The following CAMK2D variants were observed in gnomAD, a reference collection of about 807,000 sequenced individuals.
CAMK2D encodes the protein calcium/calmodulin dependent protein kinase II delta.
Under a neutral mutation model 84.0 loss-of-function variants are expected in CAMK2D, and 37 were observed. That is an observed-to-expected ratio of 0.44 (90% CI 0.34 to 0.58). The LOEUF (loss-of-function observed/expected upper bound fraction) is 0.58. Among genes scored for constraint, CAMK2D ranks in the 20% least tolerant of loss-of-function variants. The pLI is 0.02. For synonymous variants in CAMK2D, 202 were observed against 212.5 expected (o/e 0.95, Z 0.43); for missense variants, 448 against 652.5 (o/e 0.69, Z 3.41).
chr4:113,505,078 C>G (rs1341926677), intron 13 of CAMK2D, 43 bp from the exon 14 acceptor site: 1 of 1,237,948 alleles, frequency 8.1e-7, no homozygotes, highest in Non-Finnish European at 1.1e-6. Context: ...CCTTAAACCC[C>G]TTGGTAGCCA....
At chr4:113,585,897 C>T (rs1591570501) in intron 4 of CAMK2D, among the ~76,000 whole-genome samples, 1 of 152,278 alleles carries the variant, frequency 6.6e-6, no homozygotes, top group South Asian at 2.1e-4. Flanking sequence ...CTTTAATTGG[C>T]ATGTATATGC....
intron 8 of CAMK2D, among the ~76,000 whole-genome samples, chr4:113,518,784 A>G (rs1165562464): frequency 6.6e-6 from 1 of 152,190 alleles, no homozygotes; most frequent in Non-Finnish European, 1.5e-5. Context: ...GCTCCTGTCC[A>G]GCAGTCTGGA....
At chr4:113,682,111 CT>C (rs1244338209) in intron 2 of CAMK2D, among the ~76,000 whole-genome samples, 1 of 152,082 alleles carries the variant, frequency 6.6e-6, no homozygotes, top group African/African-American at 2.4e-5. Context: ...GATGATAATG[CT>C]GTACAGGTAA....
chr4:113,717,846 T>C (rs1334538003), intron 2 of CAMK2D, among the ~76,000 whole-genome samples: 1 of 152,146 alleles, frequency 6.6e-6, no homozygotes, highest in African/African-American at 2.4e-5. Context: ...TCAATTATAA[T>C]ATAGACCTAA....
chr4:113,668,016 G>A (rs1192630761), intron 2 of CAMK2D, among the ~76,000 whole-genome samples: 1 of 152,004 alleles, frequency 6.6e-6, no homozygotes, highest in Non-Finnish European at 1.5e-5. Flanking sequence ...ATTCTGTGCT[G>A]GAAGCTCATA....
chr4:113,738,891 T>C (rs2099586966), intron 2 of CAMK2D, among the ~76,000 whole-genome samples: 1 of 152,106 alleles, frequency 6.6e-6, no homozygotes, highest in African/African-American at 2.4e-5. Flanking sequence ...CACTTGGAAA[T>C]ATACATCAAA....
At chr4:113,573,818 C>A (rs2098766509) in intron 4 of CAMK2D, among the ~76,000 whole-genome samples, 1 of 152,190 alleles carries the variant, frequency 6.6e-6, no homozygotes, top group Non-Finnish European at 1.5e-5. Context: ...CTCTTCAGAG[C>A]TTTACTCTTC....
chr4:113,723,961 A>T (rs1377137378), intron 2 of CAMK2D, among the ~76,000 whole-genome samples: 1 of 152,144 alleles, frequency 6.6e-6, no homozygotes. Context: ...CTATCAGGGT[A>T]AGACTTTTGT....
At chr4:113,529,546 G>A (rs2098444361) in intron 8 of CAMK2D, among the ~76,000 whole-genome samples, 2 of 152,118 alleles carry the variant, frequency 1.3e-5, no homozygotes, top group South Asian at 4.1e-4. Context: ...CAGGAATTTA[G>A]GTGATTATGT....
chr4:113,451,432 T>C lies in CAMK2D; in HGVS notation c.*3113A>G, dbSNP rs1239742909. ...ATTTAATTTCTATCAAATATCATTC[T>C]AGTCACTCTGTACCCATTAATCCTC... On this transcript the variant is annotated 3_prime_UTR_variant, in exon 21 of 21. Transcript: ENST00000511664. The C allele has an allele frequency of 6.6e-6, 1 of 152,232 alleles. No homozygotes were observed. The highest frequency in any genetic ancestry group is 2.4e-5 in the African/African-American group (1 of 41,456). 9.4% of individuals were successfully genotyped at this position (152,232 alleles called of 1,614,324 possible). A position where few individuals can be genotyped will look rare whatever the true frequency, so the allele number is the denominator to read the frequency against.
At chr4:113,508,114 T>TAACA (rs2098156102) in intron 13 of CAMK2D, 3 of 687,362 alleles carry the variant, frequency 4.4e-6, no homozygotes, top group African/African-American at 3.6e-5. Context: ...GATAGTTGAC[T>TAACA]AACACTGACC....
chr4:113,508,251 C>G, intron 13 of CAMK2D: 1 of 1,548,210 alleles, frequency 6.5e-7, no homozygotes, highest in Admixed American at 1.9e-5. Context: ...TCTGAACACT[C>G]GAACTGGACT....
chr4:113,738,986 ATTCC>A lies in CAMK2D; in HGVS notation c.160+20330_160+20333del, dbSNP rs2099587148. 3.9e-5 allele frequency among the ~76,000 whole-genome samples: 6 copies of A among 152,308 alleles called. No homozygotes were observed. In the South Asian group the frequency reaches 1.2e-3, roughly 32 times the overall value. On this transcript the variant is annotated intron_variant, in intron 2 of 20. Coordinates refer to ENST00000511664, the MANE Select transcript of CAMK2D (RefSeq NM_001321571.2). ...ATAAATATTAACTGTGAATTCAAAG[ATTCC>A]TTCAAAAAATGCAACTTTCTTTGTT... is the stretch of plus-strand genomic sequence containing the variant.
At chr4:113,760,641 G>A (rs891828792) in intron 1 of CAMK2D, among the ~76,000 whole-genome samples, 14 of 152,118 alleles carry the variant, frequency 9.2e-5, no homozygotes, top group Admixed American at 7.9e-4. Flanking sequence ...CATTTTACAT[G>A]GGTTCTAATT....
intron 2 of CAMK2D, among the ~76,000 whole-genome samples, chr4:113,702,583 TA>T (rs1460436690): frequency 1.3e-5 from 2 of 152,140 alleles, no homozygotes; most frequent in African/African-American, 4.8e-5. Flanking sequence ...TTGTATTTAA[TA>T]AAAAATATTC....
intron 2 of CAMK2D, among the ~76,000 whole-genome samples, chr4:113,730,234 TCAA>T: frequency 6.6e-6 from 1 of 152,344 alleles, no homozygotes; most frequent in Non-Finnish European, 1.5e-5. Context: ...CAAATTCATT[TCAA>T]CAACATACTT....
At chr4:113,625,406 G>A (rs1050206897) in intron 3 of CAMK2D, among the ~76,000 whole-genome samples, 1 of 152,196 alleles carries the variant, frequency 6.6e-6, no homozygotes, top group African/African-American at 2.4e-5. Context: ...AGCAGGGTAA[G>A]AGGGAAGTGA....
At chr4:113,617,205 C>G (rs538740445) in intron 3 of CAMK2D, among the ~76,000 whole-genome samples, 4 of 152,098 alleles carry the variant, frequency 2.6e-5, no homozygotes, top group African/African-American at 9.7e-5. Flanking sequence ...CGGTGACTTA[C>G]GCCTGTAATC....
intron 8 of CAMK2D, among the ~76,000 whole-genome samples, chr4:113,521,296 A>AT (rs749129621): frequency 6.6e-6 from 1 of 151,968 alleles, no homozygotes; most frequent in Non-Finnish European, 1.5e-5. Flanking sequence ...CTATTATGTT[A>AT]TTTTTCTTAT....
Sources: allele counts gnomAD v4.1 joint callset (sites outside exome capture counted in the v4.1 genomes callset), GRCh38; gene constraint gnomAD v4.1.1; transcripts MANE v1.5; gene names NCBI Gene and HGNC (gene_info 2026-07-23, HGNC 2026-07-21).